LAMA1: variants seen among roughly 807,000 people sequenced by gnomAD.
The protein encoded by LAMA1 is laminin subunit alpha-1.
A neutral mutation model predicts 348.7 loss-of-function variants in LAMA1; 219 were observed. The ratio of observed to expected loss-of-function variants is 0.63; its 90% CI spans 0.56 to 0.70. LAMA1 has a LOEUF of 0.70. Among genes scored for constraint, LAMA1 ranks in the 30% least tolerant of loss-of-function variants. The probability of loss-of-function intolerance (pLI) is 0.00; values close to 1 mark genes in which losing one functional copy is unlikely to be tolerated. For missense variants in LAMA1, 3,744 were observed against 3,888.0 expected, an observed-to-expected ratio of 0.96 and a Z score of 0.99; for synonymous variants, 1,487 against 1,491.0, an observed-to-expected ratio of 1.00 and a Z score of 0.06.
intron 34 of LAMA1, among the ~76,000 whole-genome samples, chr18:6,993,955 T>C (rs1053046965): frequency 6.6e-6 from 1 of 152,210 alleles, no homozygotes; most frequent in Non-Finnish European, 1.5e-5. Flanking sequence ...AATGAAATAA[T>C]TTACAACTCA....
chr18:6,979,715 C>A (rs11876132), intron 42 of LAMA1, among the ~76,000 whole-genome samples: 1,954 of 151,534 alleles, frequency 0.013, 39 homozygotes, highest in African/African-American at 0.045. Flanking sequence ...CTGGCTAACA[C>A]GGTGAAACCC....
chr18:7,085,999 T>C (rs1223500792), intron 1 of LAMA1, among the ~76,000 whole-genome samples: 1 of 152,170 alleles, frequency 6.6e-6, no homozygotes, highest in Non-Finnish European at 1.5e-5. Flanking sequence ...TGACATGAAT[T>C]TTAGGAGGGT....
chr18:7,031,688 T>TAAATAAATAAATAAATAAAC (rs1598288996), intron 16 of LAMA1, among the ~76,000 whole-genome samples: 1 of 151,676 alleles, frequency 6.6e-6, no homozygotes, highest in East Asian at 1.9e-4. Flanking sequence ...CTCAAATAAA[T>TAAATAAATAAATAAATAAAC]AAATAAATAA....
intron 1 of LAMA1, among the ~76,000 whole-genome samples, chr18:7,113,416 C>G (rs2058343430): frequency 6.6e-6 from 1 of 152,148 alleles, no homozygotes; most frequent in South Asian, 2.1e-4. Flanking sequence ...TTTTGTGCAT[C>G]TTATAAAGTG....
intron 1 of LAMA1, among the ~76,000 whole-genome samples, chr18:7,114,347 A>G (rs555710369): frequency 1.3e-5 from 2 of 152,360 alleles, no homozygotes; most frequent in South Asian, 4.1e-4. Flanking sequence ...AGAAGTTAAG[A>G]AACTTAGCCA....
At chr18:7,006,161 T>A (rs191168612) in intron 29 of LAMA1, among the ~76,000 whole-genome samples, 5 of 152,222 alleles carry the variant, frequency 3.3e-5, no homozygotes, top group Admixed American at 1.3e-4. Flanking sequence ...TATTTTGTTA[T>A]CTGCCTCATT....
intron 3 of LAMA1, among the ~76,000 whole-genome samples, chr18:7,066,527 C>A (rs1371711667): frequency 6.6e-6 from 1 of 152,094 alleles, no homozygotes; most frequent in African/African-American, 2.4e-5. Context: ...CGTGTTATAG[C>A]AATTTGACTG....
At chr18:7,015,662 T>A (rs1214382855) in intron 22 of LAMA1, 60 bp downstream of exon 22, 10 of 1,601,666 alleles carry the variant, frequency 6.2e-6, no homozygotes, top group Non-Finnish European at 8.5e-6. Flanking sequence ...AGAACAGGCC[T>A]GAAACTTGCT....
intron 62 of LAMA1, 93 bp from the exon 63 acceptor site, chr18:6,942,332 T>A: frequency 7.5e-7 from 1 of 1,340,118 alleles, no homozygotes; most frequent in Admixed American, 2.2e-5. Context: ...CAAGCGGGTT[T>A]TTTTATTTTT....
In LAMA1 at chr18:7,039,015, C is replaced by T. The variant is rs1012226200; in HGVS notation, c.1423-65G>A. On this transcript the variant is annotated intron_variant, in intron 10 of 62. Coordinates refer to ENST00000389658, the MANE Select transcript of LAMA1 (RefSeq NM_005559.4). ...TGTCTGTCCAGAGAGAATAAAATGA[C>T]ATTAACAAGATAGGTGTTCGGTGAT... 5.7e-5 allele frequency: 78 copies of T among 1,356,560 alleles called. No individual in the cohort carries two copies. In the Admixed American group the frequency reaches 1.3e-3, roughly 22 times the overall value. 84.0% of individuals were successfully genotyped at this position (1,356,560 alleles called of 1,614,324 possible). A position where few individuals can be genotyped will look rare whatever the true frequency, so the allele number is the denominator to read the frequency against.
chr18:6,994,532 A>G (rs2057772149), intron 34 of LAMA1, among the ~76,000 whole-genome samples: 1 of 152,150 alleles, frequency 6.6e-6, no homozygotes, highest in South Asian at 2.1e-4. Flanking sequence ...CCAAACTTAA[A>G]CCCTTCAACT....
At chr18:6,972,094 T>G (rs941639197) in intron 47 of LAMA1, 113 bp from the exon 48 acceptor site, 2 of 1,283,894 alleles carry the variant, frequency 1.6e-6, no homozygotes, top group African/African-American at 3.0e-5. Context: ...GATCCAAATT[T>G]TGAGAGAGCC....
intron 53 of LAMA1, 125 bp downstream of exon 53, chr18:6,961,461 A>T: frequency 1.8e-6 from 2 of 1,106,876 alleles, no homozygotes; most frequent in Non-Finnish European, 2.6e-6. Context: ...ACTTATTGAA[A>T]ATGCACATCC....
chr18:7,031,974 TG>T, intron 16 of LAMA1, 91 bp downstream of exon 16: 2 of 912,868 alleles, frequency 2.2e-6, no homozygotes, highest in Non-Finnish European at 3.5e-6. Context: ...GGTTATTCCG[TG>T]GAGGAAGCAC....
intron 1 of LAMA1, among the ~76,000 whole-genome samples, chr18:7,091,981 G>A (rs910464017): frequency 5.3e-5 from 8 of 152,140 alleles, no homozygotes; most frequent in African/African-American, 1.9e-4. Flanking sequence ...TATCTAAAGG[G>A]TCATCTTACA....
intron 49 of LAMA1, chr18:6,965,783 A>AT (rs2057630506): frequency 2.5e-6 from 1 of 402,730 alleles, no homozygotes; most frequent in Admixed American, 4.3e-5. Flanking sequence ...AAACAAGAAC[A>AT]TGAAATTCCC....
chr18:7,000,481 A>G (rs639186), intron 30 of LAMA1, among the ~76,000 whole-genome samples: 69,774 of 152,098 alleles, frequency 0.46, 17,496 homozygotes, highest in African/African-American at 0.67. Flanking sequence ...CAAGGAAATA[A>G]GGCAGAACTG....
intron 1 of LAMA1, among the ~76,000 whole-genome samples, chr18:7,117,296 A>G (rs559965505): frequency 1.9e-4 from 28 of 148,312 alleles, no homozygotes; most frequent in Non-Finnish European, 4.2e-4. Flanking sequence ...GGGCACTAAA[A>G]GCAACCCCCG....
chr18:6,995,897 T>C (rs1021429920), intron 33 of LAMA1, among the ~76,000 whole-genome samples: 2 of 152,190 alleles, frequency 1.3e-5, no homozygotes, highest in Non-Finnish European at 1.5e-5. Context: ...TCTAATTTCT[T>C]GTATAATTTT....
Sources: allele counts gnomAD v4.1 joint callset (sites outside exome capture counted in the v4.1 genomes callset), GRCh38; gene constraint gnomAD v4.1.1; transcripts MANE v1.5; gene names NCBI Gene and HGNC (gene_info 2026-07-23, HGNC 2026-07-21).